The following SLC24A3 variants were observed in gnomAD, a reference collection of about 807,000 sequenced individuals.
The protein encoded by SLC24A3 is sodium/potassium/calcium exchanger 3.
In SLC24A3, 28 loss-of-function variants were observed where a neutral mutation model predicts 75.8. The observed-to-expected ratio is 0.37, with a 90% CI of 0.27 to 0.51. The LOEUF (loss-of-function observed/expected upper bound fraction) is 0.51, where lower values mean the gene tolerates loss of function less well. Ranked by LOEUF, SLC24A3 falls within the 20% of genes least tolerant of loss-of-function variation. The probability of loss-of-function intolerance (pLI) is 0.94; values close to 1 mark genes in which losing one functional copy is unlikely to be tolerated. For synonymous variants in SLC24A3, 372 were observed against 334.1 expected, an observed-to-expected ratio of 1.11 and a Z score of -1.24; for missense variants, 663 against 847.8, an observed-to-expected ratio of 0.78 and a Z score of 2.71.
intron 3 of SLC24A3, among the ~76,000 whole-genome samples, chr20:19,547,057 G>A (rs776748060): frequency 1.3e-5 from 2 of 152,230 alleles, no homozygotes; most frequent in African/African-American, 2.4e-5. Flanking sequence ...CTGCCTGCAT[G>A]AGCTAGTCTC....
chr20:19,600,000 A>G (rs1390498680), intron 6 of SLC24A3, among the ~76,000 whole-genome samples: 2 of 152,204 alleles, frequency 1.3e-5, no homozygotes, highest in African/African-American at 4.8e-5. Context: ...TTGGCGTCGA[A>G]GTCCTTGCAG....
chr20:19,434,864 T>C (rs1466866384), intron 2 of SLC24A3, among the ~76,000 whole-genome samples: 4 of 152,168 alleles, frequency 2.6e-5, no homozygotes, highest in African/African-American at 9.6e-5. Flanking sequence ...ACTCTTTCCT[T>C]CTTGCTGGCA....
Position 19,420,631 on chromosome 20 carries a change from C to T in SLC24A3, c.272-94857C>T, listed in dbSNP as rs190806222. On this transcript the variant is annotated intron_variant, in intron 2 of 16. Transcript: ENST00000328041. ...CATAATTTCATAATTTCATAATTTA[C>T]AGATTCAATGCCATCCCCATCAAGC... Among the ~76,000 whole-genome samples the T allele has an allele frequency of 7.0e-3, 590 of 83,818 alleles. 178 individuals are homozygous for T. Among genetic ancestry groups the T allele is most frequent in the African/African-American group, 0.032 (531 of 16,396 alleles). The allele number at this position is 83,818 out of a possible 152,430, so 55.0% of individuals were successfully genotyped here.
intron 1 of SLC24A3, among the ~76,000 whole-genome samples, chr20:19,228,511 G>A (rs1981929832): frequency 6.6e-6 from 1 of 152,208 alleles, no homozygotes; most frequent in South Asian, 2.1e-4. Context: ...TGGGCGTGGT[G>A]GTGGGCGCCT....
At chr20:19,366,060 G>A (rs1041172975) in intron 2 of SLC24A3, among the ~76,000 whole-genome samples, 6 of 151,970 alleles carry the variant, frequency 3.9e-5, no homozygotes, top group Admixed American at 3.9e-4. Flanking sequence ...CTTTCTACCT[G>A]CCCAACCCTC....
intron 2 of SLC24A3, among the ~76,000 whole-genome samples, chr20:19,484,396 TG>T (rs1348754012): frequency 6.6e-6 from 1 of 152,212 alleles, no homozygotes; most frequent in African/African-American, 2.4e-5. Context: ...ATTTTCTACT[TG>T]TGGCATCATG....
At chr20:19,241,121 A>G (rs1423822620) in intron 1 of SLC24A3, among the ~76,000 whole-genome samples, 1 of 152,184 alleles carries the variant, frequency 6.6e-6, no homozygotes, top group African/African-American at 2.4e-5. Flanking sequence ...CAGTAGATTG[A>G]GGGAAAGCAA....
intron 2 of SLC24A3, among the ~76,000 whole-genome samples, chr20:19,298,355 G>T (rs1984110257): frequency 6.6e-6 from 1 of 152,134 alleles, no homozygotes; most frequent in African/African-American, 2.4e-5. Context: ...TTTTTTATGT[G>T]TTGGTTCCTG....
rs199553160 is a variant in SLC24A3 at position 19,466,443 on chromosome 20, G to T, written c.272-49045G>T. ...AGCCAGTGTGCAGTGGAAGTGGCTCGTGGGTGTTCCATATTTGGATTGGAG... is the reference window on the plus strand; with the variant it reads ...AGCCAGTGTGCAGTGGAAGTGGCTCTTGGGTGTTCCATATTTGGATTGGAG... On this transcript the variant is annotated intron_variant, in intron 2 of 16. Transcript: ENST00000328041. 2.6e-5 allele frequency among the ~76,000 whole-genome samples: 4 copies of T among 152,196 alleles called. No individual in the cohort carries two copies. In the East Asian group the frequency reaches 7.7e-4, roughly 29 times the overall value.
At chr20:19,532,969 A>G (rs1433010692) in intron 3 of SLC24A3, among the ~76,000 whole-genome samples, 1 of 152,246 alleles carries the variant, frequency 6.6e-6, no homozygotes, top group Non-Finnish European at 1.5e-5. Context: ...CAGTTCAGCC[A>G]AACCAACACA....
intron 1 of SLC24A3, among the ~76,000 whole-genome samples, chr20:19,217,228 T>C (rs188483151): frequency 3.3e-5 from 5 of 152,332 alleles, no homozygotes; most frequent in Admixed American, 3.3e-4. Flanking sequence ...TCAGCCCACG[T>C]TGAAGGAGAA....
At chr20:19,699,047 T>G (rs1446265467) in intron 15 of SLC24A3, among the ~76,000 whole-genome samples, 1 of 152,254 alleles carries the variant, frequency 6.6e-6, no homozygotes, top group Admixed American at 6.5e-5. Context: ...AAACCGAAGT[T>G]TGAATTTTAT....
intron 3 of SLC24A3, among the ~76,000 whole-genome samples, chr20:19,562,315 A>G (rs2030887065): frequency 6.6e-6 from 1 of 152,152 alleles, no homozygotes; most frequent in Non-Finnish European, 1.5e-5. Flanking sequence ...GTCTGAGAAC[A>G]TCTTTCTCTT....
chr20:19,501,519 G>A (rs1988384488), intron 2 of SLC24A3, among the ~76,000 whole-genome samples: 1 of 152,138 alleles, frequency 6.6e-6, no homozygotes, highest in African/African-American at 2.4e-5. Context: ...GACACTTGCA[G>A]GAAACATCTA....
intron 15 of SLC24A3, among the ~76,000 whole-genome samples, chr20:19,714,473 A>G (rs2033023791): frequency 6.6e-6 from 1 of 151,588 alleles, no homozygotes; most frequent in Non-Finnish European, 1.5e-5. Flanking sequence ...AACCATCCAT[A>G]GCTGCAGCAG....
chr20:19,504,563 T>C (rs7274531), intron 2 of SLC24A3, among the ~76,000 whole-genome samples: 26,592 of 152,194 alleles, frequency 0.17, 2,837 homozygotes, highest in African/African-American at 0.3. Context: ...TTCCTTGTAA[T>C]CACCATGGGT....
chr20:19,619,868 G>T (rs964710755), intron 6 of SLC24A3, among the ~76,000 whole-genome samples: 10 of 152,176 alleles, frequency 6.6e-5, no homozygotes, highest in African/African-American at 2.4e-4. Flanking sequence ...AAAGTGATGT[G>T]TACAGATTAA....
intron 6 of SLC24A3, among the ~76,000 whole-genome samples, chr20:19,607,729 G>C (rs1365608092): frequency 6.6e-6 from 1 of 152,096 alleles, no homozygotes; most frequent in Non-Finnish European, 1.5e-5. Flanking sequence ...TCCACTCTTG[G>C]TCAACTGGAC....
chr20:19,468,230 G>A (rs1367352889), intron 2 of SLC24A3, among the ~76,000 whole-genome samples: 1 of 152,130 alleles, frequency 6.6e-6, no homozygotes, highest in South Asian at 2.1e-4. Context: ...ACAAGATAGG[G>A]ATCTGTTTGT....
Sources: gnomAD v4.1 joint callset for allele counts (sites outside exome capture counted in the v4.1 genomes callset) on GRCh38, gnomAD v4.1.1 for gene constraint, MANE v1.5 for transcripts, NCBI Gene and HGNC (gene_info 2026-07-23, HGNC 2026-07-21) for gene names.